The following CFAP58 variants were observed in gnomAD, a reference collection of about 807,000 sequenced individuals.
CFAP58 encodes the protein cilia and flagella associated protein 58.
In CFAP58, 88 loss-of-function variants were observed where a neutral mutation model predicts 119.5. That is an observed-to-expected ratio of 0.74 (90% CI 0.62 to 0.88). The LOEUF is 0.88. Ranked by LOEUF, CFAP58 falls within the 40% of genes least tolerant of loss-of-function variation. The probability of loss-of-function intolerance (pLI) is 0.00; values close to 1 mark genes in which losing one functional copy is unlikely to be tolerated. For missense variants in CFAP58, 990 were observed against 1,021.2 expected (o/e 0.97, Z 0.42); for synonymous variants, 365 against 366.3 (o/e 1.00, Z 0.04).
intron 15 of CFAP58, among the ~76,000 whole-genome samples, chr10:104,434,675 A>C (rs747376129): frequency 2.6e-4 from 40 of 152,342 alleles, no homozygotes; most frequent in Admixed American, 5.2e-4. Context: ...GCCTCCAAGC[A>C]TTTGGGAAGT....
At chr10:104,386,406 A>T (rs1293590139) in intron 9 of CFAP58, among the ~76,000 whole-genome samples, 1 of 151,816 alleles carries the variant, frequency 6.6e-6, no homozygotes, top group Non-Finnish European at 1.5e-5. Flanking sequence ...AAATAAATAA[A>T]AATAAGAAAA....
chr10:104,383,554 T>C (rs551642597), intron 9 of CFAP58, among the ~76,000 whole-genome samples: 1 of 152,314 alleles, frequency 6.6e-6, no homozygotes, highest in East Asian at 1.9e-4. Context: ...GTTCTGATAT[T>C]TAACCACACA....
chr10:104,370,784 T>C (rs1208746241), intron 6 of CFAP58, 111 bp from the exon 7 acceptor site: 1 of 1,023,666 alleles, frequency 9.8e-7, no homozygotes. Flanking sequence ...ACAGAACAAC[T>C]TTAAAATGCC....
chr10:104,438,534 C>T (rs2012982536), intron 15 of CFAP58, among the ~76,000 whole-genome samples: 1 of 151,752 alleles, frequency 6.6e-6, no homozygotes, highest in South Asian at 2.1e-4. Context: ...CGCCACAGCG[C>T]CCGGCTAATT....
chr10:104,349,292 A>C (rs1449865038), upstream of CFAP58, among the ~76,000 whole-genome samples: 1 of 151,838 alleles, frequency 6.6e-6, no homozygotes. Context: ...CAAAACAAAC[A>C]AAAAAATTGA....
At chr10:104,389,761 T>A (rs2133027960) in intron 9 of CFAP58, among the ~76,000 whole-genome samples, 1 of 152,264 alleles carries the variant, frequency 6.6e-6, no homozygotes, top group East Asian at 1.9e-4. Context: ...ATGGAGTGAA[T>A]GAATAAATGG....
At chr10:104,373,554 T>G (rs2014851118) in intron 7 of CFAP58, among the ~76,000 whole-genome samples, 1 of 152,160 alleles carries the variant, frequency 6.6e-6, no homozygotes, top group African/African-American at 2.4e-5. Context: ...CTTGGGAGGC[T>G]GAGGCAGGAG....
Position 104,407,521 on chromosome 10 carries a change from A to C in CFAP58, c.2256+728A>C, listed in dbSNP as rs867717671. Among the ~76,000 whole-genome samples the C allele has an allele frequency of 1.4e-4, 22 of 152,286 alleles. No individual in the cohort carries two copies. In the Middle Eastern group the frequency reaches 0.014, roughly 94 times the overall value. ...TTGGTTTGGAATACTGCCAGTTGCTATGTCAGTTTAACTTCATTGCACCTG... is the reference window on the plus strand; with the variant it reads ...TTGGTTTGGAATACTGCCAGTTGCTCTGTCAGTTTAACTTCATTGCACCTG... On this transcript the variant is annotated intron_variant, in intron 15 of 17. Transcript: ENST00000369704.
intron 15 of CFAP58, among the ~76,000 whole-genome samples, chr10:104,435,509 A>G (rs986096480): frequency 2.6e-5 from 4 of 152,278 alleles, no homozygotes; most frequent in African/African-American, 7.2e-5. Context: ...TGAGTTAACA[A>G]TTCCAACAGA....
intron 17 of CFAP58, among the ~76,000 whole-genome samples, chr10:104,453,859 T>C (rs988157380): frequency 2.0e-5 from 3 of 151,824 alleles, no homozygotes; most frequent in African/African-American, 4.8e-5. Context: ...CCCTCATCCA[T>C]TGCCAAAAAT....
chr10:104,358,358 A>G lies in CFAP58; in HGVS notation c.27A>G (p.Gln9=), dbSNP rs1273106004. The change falls in exon 2 of 18, where the codon CAA becomes CAG. Residue 9 remains glutamine, a synonymous_variant. Coordinates refer to ENST00000369704, the MANE Select transcript of CFAP58 (RefSeq NM_001008723.2). ...TTCTATAGGAAAAGGGTGGAAAGCAAGTCCTGGAAGAATCTGCATTTGAAG... is the reference window on the plus strand; with the variant it reads ...TTCTATAGGAAAAGGGTGGAAAGCAGGTCCTGGAAGAATCTGCATTTGAAG... MAEEKGGK[Q]VLEESAFEEM... is the part of the protein sequence containing the mutation. 3 of 1,610,866 alleles carry G rather than the reference A, an allele frequency of 1.9e-6. No individual in the cohort carries two copies. The highest frequency in any genetic ancestry group is 2.5e-6 in the Non-Finnish European group (3 of 1,177,804).
chr10:104,436,083 C>A (rs1038463586), intron 15 of CFAP58, among the ~76,000 whole-genome samples: 10 of 152,120 alleles, frequency 6.6e-5, no homozygotes, highest in African/African-American at 2.4e-4. Context: ...TTTTTCCCCC[C>A]AGGCACTATT....
chr10:104,421,940 C>A (rs1263055466), intron 15 of CFAP58, among the ~76,000 whole-genome samples: 1 of 152,178 alleles, frequency 6.6e-6, no homozygotes, highest in East Asian at 1.9e-4. Context: ...AATCCTAGCA[C>A]TTCGGGAGGC....
intron 8 of CFAP58, 109 bp from the exon 9 acceptor site, chr10:104,379,920 T>C: frequency 1.0e-6 from 1 of 959,272 alleles, no homozygotes; most frequent in Non-Finnish European, 1.6e-6. Context: ...TTTTTATTCA[T>C]CCAAAAGACA....
chr10:104,340,724 A>T, the CFAP58 span, among the ~76,000 whole-genome samples: 1 of 152,194 alleles, frequency 6.6e-6, no homozygotes, highest in African/African-American at 2.4e-5. Context: ...GGAACTCAAA[A>T]GCATGACATG....
At chr10:104,413,593 C>G (rs1181997043) in intron 15 of CFAP58, among the ~76,000 whole-genome samples, 1 of 152,118 alleles carries the variant, frequency 6.6e-6, no homozygotes, top group East Asian at 1.9e-4. Flanking sequence ...ATTTGTTCCT[C>G]CTCTCATCTG....
At position 104,403,757 on chromosome 10, in the gene CFAP58, T is replaced by A; in HGVS notation, c.2068T>A (p.Leu690Met). The stretch of plus-strand genomic sequence containing the variant: ...GGAGTTTTTTCACATGCAAAGAGAA[T>A]TGTTGAAGGAGAGGACACGCTGCCG... ...RQEFFHMQRELLKERTRCRAL... is the reference protein window; with the variant it reads ...RQEFFHMQREMLKERTRCRAL... Residue 690 changes from leucine (L) to methionine (M), a missense_variant, in exon 14 of 18, where the codon TTG becomes ATG. Leu to Met is a conservative substitution (Grantham distance 15). Transcript: ENST00000369704. 1 of 1,611,832 alleles carries A rather than the reference T, an allele frequency of 6.2e-7. No homozygotes were observed.
At chr10:104,423,596 G>A (rs1024502981) in intron 15 of CFAP58, among the ~76,000 whole-genome samples, 17 of 150,860 alleles carry the variant, frequency 1.1e-4, no homozygotes, top group African/African-American at 4.1e-4. Flanking sequence ...AACTGAAAAA[G>A]GAAATAAGTA....
intron 15 of CFAP58, among the ~76,000 whole-genome samples, chr10:104,416,302 G>A (rs1316876171): frequency 2.6e-5 from 4 of 152,192 alleles, no homozygotes; most frequent in African/African-American, 7.2e-5. Flanking sequence ...AGTTCGTGTT[G>A]CTTTAGGAAA....
Sources: allele counts gnomAD v4.1 joint callset (sites outside exome capture counted in the v4.1 genomes callset), GRCh38; gene constraint gnomAD v4.1.1; transcripts MANE v1.5; gene names NCBI Gene and HGNC (gene_info 2026-07-23, HGNC 2026-07-21).